The following ADGRV1 variants were observed in gnomAD, a reference collection of about 807,000 sequenced individuals.
ADGRV1 encodes adhesion G protein-coupled receptor V1, also known as G-protein coupled receptor 98.
A neutral mutation model predicts 596.2 loss-of-function variants in ADGRV1; 359 were observed. The ratio of observed to expected loss-of-function variants is 0.60; its 90% CI spans 0.55 to 0.66. ADGRV1 has a LOEUF of 0.66. Ranked by LOEUF, ADGRV1 falls within the 30% of genes least tolerant of loss-of-function variation. The probability of loss-of-function intolerance (pLI) is 0.00; values close to 1 mark genes in which losing one functional copy is unlikely to be tolerated. For missense variants in ADGRV1, 7,274 were observed against 7,575.6 expected, an observed-to-expected ratio of 0.96 and a Z score of 1.48; for synonymous variants, 2,681 against 2,679.2, an observed-to-expected ratio of 1.00 and a Z score of -0.02.
chr5:90,965,012 T>G (rs1304137380), intron 83 of ADGRV1, among the ~76,000 whole-genome samples: 1 of 152,222 alleles, frequency 6.6e-6, no homozygotes, highest in Non-Finnish European at 1.5e-5. Flanking sequence ...CTGCAGGTGA[T>G]GGTAAAGTCA....
intron 50 of ADGRV1, among the ~76,000 whole-genome samples, chr5:90,742,222 A>G (rs917699822): frequency 2.6e-5 from 4 of 152,236 alleles, no homozygotes; most frequent in Admixed American, 6.5e-5. Context: ...ATAAATGGAT[A>G]ACTGCTATGA....
In ADGRV1 at chr5:90,627,252, T is replaced by G; in HGVS notation, c.714T>G (p.Ser238Arg). Residue 238 changes from serine to arginine, a missense_variant, in exon 7 of 90, where the codon AGT (serine) becomes AGG (arginine). Ser to Arg is a moderately radical substitution (Grantham distance 110). This residue lies in a region of ADGRV1 where 1,715 missense variants were observed against 1,708.8 expected (regional missense o/e 1.00). Transcript: ENST00000405460. The stretch of plus-strand genomic sequence containing the variant: ...AAATATTTTTAATTCAACTGAAAAG[T>G]GTAGAAGGAGGAGCTGAGATTAACA... ...NDEIFLIQLK[S>R]VEGGAEINTS... 1 of 1,581,666 alleles carries G rather than the reference T, an allele frequency of 6.3e-7. No individual in the cohort carries two copies. Among genetic ancestry groups the G allele is most frequent in the Non-Finnish European group, 8.6e-7 (1 of 1,163,364 alleles).
At chr5:90,895,706 A>G (rs1041535632) in intron 83 of ADGRV1, among the ~76,000 whole-genome samples, 17 of 152,330 alleles carry the variant, frequency 1.1e-4, no homozygotes, top group South Asian at 1.0e-3. Flanking sequence ...TATTTTGGCT[A>G]CTTAAGAGTT....
intron 87 of ADGRV1, among the ~76,000 whole-genome samples, chr5:91,141,688 A>G (rs1795114292): frequency 6.6e-6 from 1 of 152,206 alleles, no homozygotes; most frequent in African/African-American, 2.4e-5. Flanking sequence ...TGTTTTTTCA[A>G]TTCTGTCACT....
At chr5:90,996,864 G>C (rs903628962) in intron 85 of ADGRV1, among the ~76,000 whole-genome samples, 1 of 152,212 alleles carries the variant, frequency 6.6e-6, no homozygotes, top group African/African-American at 2.4e-5. Flanking sequence ...GGAGCTTTAA[G>C]ATTTAATGAC....
intron 83 of ADGRV1, among the ~76,000 whole-genome samples, chr5:90,922,919 A>G (rs1774019844): frequency 6.6e-6 from 1 of 152,186 alleles, no homozygotes; most frequent in Non-Finnish European, 1.5e-5. Context: ...ATCTTGTTCA[A>G]TGTGGAGCCC....
chr5:91,086,593 G>T (rs1185072570), intron 86 of ADGRV1, among the ~76,000 whole-genome samples: 4 of 152,096 alleles, frequency 2.6e-5, no homozygotes, highest in Non-Finnish European at 5.9e-5. Flanking sequence ...AGAATCTCTG[G>T]TGATGAAGTC....
chr5:90,751,464 C>G (rs532326922), intron 53 of ADGRV1, among the ~76,000 whole-genome samples: 1 of 152,256 alleles, frequency 6.6e-6, no homozygotes, highest in African/African-American at 2.4e-5. Flanking sequence ...ATGGGTACAT[C>G]AGCCCCAAGA....
At chr5:90,985,067 TGA>T (rs1780374351) in intron 84 of ADGRV1, among the ~76,000 whole-genome samples, 1 of 152,206 alleles carries the variant, frequency 6.6e-6, no homozygotes, top group Non-Finnish European at 1.5e-5. Context: ...AGATTGTAAC[TGA>T]GAGTAAATCA....
At chr5:90,813,757 TTAA>T (rs559034654) in intron 74 of ADGRV1, among the ~76,000 whole-genome samples, 127 of 152,332 alleles carry the variant, frequency 8.3e-4, no homozygotes, top group African/African-American at 2.5e-3. Context: ...CATTTTTTTC[TTAA>T]TAATATTTCT....
At position 90,647,445 on chromosome 5, in the gene ADGRV1, A is replaced by G. The variant is rs918647317; in HGVS notation, c.3023-53A>G. On this transcript the variant is annotated intron_variant, in intron 16 of 89. Coordinates refer to ENST00000405460, the MANE Select transcript of ADGRV1 (RefSeq NM_032119.4). Reference sequence around the variant, plus strand: ...GGGAGAAGCACAATGTGATCTGAAAATATGTGATGGAATCAGAAAAGCTCA... The same window carrying G: ...GGGAGAAGCACAATGTGATCTGAAAGTATGTGATGGAATCAGAAAAGCTCA... The G allele has an allele frequency of 3.9e-6, 6 of 1,549,584 alleles. No individual in the cohort carries two copies. In the African/African-American group the frequency reaches 8.2e-5, roughly 21 times the overall value.
At position 90,676,192 on chromosome 5, in the gene ADGRV1, T is replaced by A; in HGVS notation, c.5426T>A (p.Leu1809Ter). 1 of 1,605,494 alleles carries A rather than the reference T, an allele frequency of 6.2e-7. No individual in the cohort carries two copies. The highest frequency in any genetic ancestry group is 8.5e-7 in the Non-Finnish European group (1 of 1,176,474). Reference protein sequence around the residue: ...ELEKSFKVELLNLEGGVAELF... With the variant: ...ELEKSFKVEL ...GAAAAATCTTTTAAAGTTGAGTTGT[T>A]AAACTTGGAAGGAGGAGGTAAGGCT... The change falls in exon 25 of 90, where the codon TTA becomes TAA. Residue 1809 changes from leucine (L) to a stop codon, truncating the protein, a stop_gained. Transcript: ENST00000405460. LOFTEE classifies it high-confidence loss of function.
At chr5:90,910,481 T>C (rs1221503646) in intron 83 of ADGRV1, among the ~76,000 whole-genome samples, 1 of 152,130 alleles carries the variant, frequency 6.6e-6, no homozygotes, top group African/African-American at 2.4e-5. Context: ...TTCATTTTTA[T>C]ACTCAACCTT....
rs866600565 is a variant in ADGRV1 at position 90,902,451 on chromosome 5, G to T, written c.17856+38594G>T. ...CATTAGCTATTCCGTTCTCAACCAA[G>T]TTACATATGTTGCCTCCTTGCTGTG... On this transcript the variant is annotated intron_variant, in intron 83 of 89. Coordinates refer to ENST00000405460, the MANE Select transcript of ADGRV1 (RefSeq NM_032119.4). Among the ~76,000 whole-genome samples the T allele has an allele frequency of 8.9e-4, 135 of 152,252 alleles. 2 individuals are homozygous for T. The highest frequency in any genetic ancestry group is 6.8e-3 in the Middle Eastern group (2 of 294).
intron 1 of ADGRV1, 46 bp from the exon 2 acceptor site, chr5:90,614,789 A>G (rs1763151542): frequency 2.3e-6 from 3 of 1,291,768 alleles, no homozygotes; most frequent in Non-Finnish European, 3.3e-6. Flanking sequence ...TAATGAGAAT[A>G]GATTAGATAT....
chr5:91,157,461 T>C (rs537559392), intron 89 of ADGRV1, among the ~76,000 whole-genome samples: 1 of 152,136 alleles, frequency 6.6e-6, no homozygotes, highest in Non-Finnish European at 1.5e-5. Context: ...GGCTTTTTTT[T>C]ATAATTGGAA....
In ADGRV1 at chr5:90,706,324, T is replaced by A. The variant is rs1479281360; in HGVS notation, c.8660T>A (p.Val2887Asp). 1 of 1,613,036 alleles carries A rather than the reference T, an allele frequency of 6.2e-7. No individual in the cohort carries two copies. Among genetic ancestry groups the A allele is most frequent in the African/African-American group, 1.3e-5 (1 of 74,840 alleles). Reference sequence around the variant, plus strand: ...CTAGCAGAGCCAGAAGTTGATTTTGTCCCTATCATTGGCTTTCTGATTTTA... The same window carrying A: ...CTAGCAGAGCCAGAAGTTGATTTTGACCCTATCATTGGCTTTCTGATTTTA... ...GNLAEPEVDF[V>D]PIIGFLILEE... Residue 2887 changes from valine to aspartate, a missense_variant, in exon 38 of 90, where the codon GTC becomes GAC. Transcript: ENST00000405460.
intron 83 of ADGRV1, among the ~76,000 whole-genome samples, chr5:90,938,722 T>C (rs1775923797): frequency 6.6e-6 from 1 of 152,230 alleles, no homozygotes; most frequent in Non-Finnish European, 1.5e-5. Flanking sequence ...TTCCAGCTTA[T>C]TGTTAATAAT....
At chr5:90,749,949 A>G (rs140768009) in intron 52 of ADGRV1, among the ~76,000 whole-genome samples, 126 of 152,358 alleles carry the variant, frequency 8.3e-4, no homozygotes, top group African/African-American at 2.8e-3. Flanking sequence ...AGGATGAAAC[A>G]CCATCAAAGG....
Sources: gnomAD v4.1 joint callset for allele counts (sites outside exome capture counted in the v4.1 genomes callset) on GRCh38, gnomAD v4.1.1 for gene constraint, gnomAD v4.1.1 regional missense constraint, MANE v1.5 for transcripts, NCBI Gene and HGNC (gene_info 2026-07-23, HGNC 2026-07-21) for gene names.